The following EHMT1 variants were observed in gnomAD, a reference collection of about 807,000 sequenced individuals.
The protein encoded by EHMT1 is histone-lysine N-methyltransferase EHMT1.
A neutral mutation model predicts 147.2 loss-of-function variants in EHMT1; 15 were observed. That is an observed-to-expected ratio of 0.10 (90% CI 0.07 to 0.16). The LOEUF (loss-of-function observed/expected upper bound fraction) is 0.16, where lower values mean the gene tolerates loss of function less well. Ranked by LOEUF, EHMT1 falls within the 10% of genes least tolerant of loss-of-function variation. The pLI is 1.00. For missense variants in EHMT1, 1,587 were observed against 1,772.4 expected (o/e 0.90, Z 1.88); for synonymous variants, 795 against 709.6 (o/e 1.12, Z -1.91).
chr9:137,703,493 C>T (rs1193545626), intron 1 of EHMT1, among the ~76,000 whole-genome samples: 1 of 152,186 alleles, frequency 6.6e-6, no homozygotes, highest in Non-Finnish European at 1.5e-5. Flanking sequence ...TGCTTTGCTA[C>T]TTAGGAATTT....
At chr9:137,714,028 A>G (rs1588306962) in intron 2 of EHMT1, among the ~76,000 whole-genome samples, 2 of 152,236 alleles carry the variant, frequency 1.3e-5, no homozygotes, top group African/African-American at 2.4e-5. Context: ...CTCGTTTATT[A>G]GTTCTAATGA....
At position 137,641,912 on chromosome 9, in the gene EHMT1, C is replaced by T. The variant is rs558018021; in HGVS notation, c.21+22863C>T. Reference sequence around the variant, plus strand: ...TGACCTTGGCTCATGGCAACCTCTGCCCCCATGCCCTCCAACTCCATGGTT... The same window carrying T: ...TGACCTTGGCTCATGGCAACCTCTGTCCCCATGCCCTCCAACTCCATGGTT... On this transcript the variant is annotated intron_variant, in intron 1 of 26. Coordinates refer to ENST00000460843, the MANE Select transcript of EHMT1 (RefSeq NM_024757.5). 3.9e-5 allele frequency among the ~76,000 whole-genome samples: 6 copies of T among 152,106 alleles called. No homozygotes were observed. The South Asian group carries it at 8.3e-4, about 21-fold the overall frequency.
At chr9:137,729,013 G>A (rs1000451006) in intron 4 of EHMT1, among the ~76,000 whole-genome samples, 1 of 152,142 alleles carries the variant, frequency 6.6e-6, no homozygotes, top group African/African-American at 2.4e-5. Context: ...GTGGATGAAC[G>A]TTTGATTCCT....
chr9:137,807,513 A>ATTTG (rs1186997546), intron 18 of EHMT1, among the ~76,000 whole-genome samples: 7 of 112,824 alleles, frequency 6.2e-5, no homozygotes, highest in African/African-American at 1.9e-4. Context: ...TTATTTATTT[A>ATTTG]TTTGTTTATT....
At position 137,717,170 on chromosome 9, in the gene EHMT1, C is replaced by T. The variant is rs576449489; in HGVS notation, c.630C>T (p.Ser210=). 40 of 1,612,116 alleles carry T rather than the reference C, an allele frequency of 2.5e-5. No individual in the cohort carries two copies. The highest frequency in any genetic ancestry group is 1.2e-4 in the African/African-American group (9 of 75,038). The change falls in exon 3 of 27, where the codon TCC becomes TCT. Residue 210 remains serine, a synonymous_variant. Coordinates refer to ENST00000460843, the MANE Select transcript of EHMT1 (RefSeq NM_024757.5). ...GGGCACGCAAGACCATGCCGAAGTC[C>T]GTCGTGGGCCTGGTAATTTTGTGTC... The part of the protein sequence containing the change: ...VHRARKTMPK[S]VVGLHAASKD...
chr9:137,724,514 G>C (rs932156955), intron 3 of EHMT1, among the ~76,000 whole-genome samples: 2 of 152,250 alleles, frequency 1.3e-5, no homozygotes, highest in African/African-American at 4.8e-5. Flanking sequence ...TTACTGTTGA[G>C]ATTCTTGAAA....
chr9:137,780,045 A>G (rs1245292507), intron 14 of EHMT1, among the ~76,000 whole-genome samples: 1 of 146,636 alleles, frequency 6.8e-6, no homozygotes, highest in Non-Finnish European at 1.5e-5. Flanking sequence ...ATGTGTGGTG[A>G]TGACGCTGAG....
intron 14 of EHMT1, among the ~76,000 whole-genome samples, chr9:137,780,385 G>A (rs1321322060): frequency 7.2e-6 from 1 of 139,478 alleles, no homozygotes; most frequent in Admixed American, 7.1e-5. Flanking sequence ...GTGTGATGAC[G>A]CTGGGATGTG....
At chr9:137,723,326 G>A (rs1304295876) in intron 3 of EHMT1, among the ~76,000 whole-genome samples, 7 of 128,508 alleles carry the variant, frequency 5.4e-5, no homozygotes, top group Admixed American at 3.8e-4. Flanking sequence ...GCCTGAGCCC[G>A]GGGTGTGTCT....
At chr9:137,644,623 G>A (rs1367730871) in intron 1 of EHMT1, among the ~76,000 whole-genome samples, 1 of 152,014 alleles carries the variant, frequency 6.6e-6, no homozygotes, top group African/African-American at 2.4e-5. Context: ...ACCGGGCCCG[G>A]CCAAAAACAT....
chr9:137,646,784 C>A (rs1056203429), intron 1 of EHMT1, among the ~76,000 whole-genome samples: 4 of 152,210 alleles, frequency 2.6e-5, no homozygotes, highest in African/African-American at 9.6e-5. Context: ...TTATCTCCTA[C>A]TGTCTTTGAA....
chr9:137,677,251 A>C (rs1941447379), intron 1 of EHMT1, among the ~76,000 whole-genome samples: 1 of 151,938 alleles, frequency 6.6e-6, no homozygotes, highest in Non-Finnish European at 1.5e-5. Flanking sequence ...CTCCTGTCTC[A>C]GTCTCCCAAG....
At chr9:137,667,827 T>C (rs1939850610) in intron 1 of EHMT1, among the ~76,000 whole-genome samples, 1 of 152,230 alleles carries the variant, frequency 6.6e-6, no homozygotes, top group Non-Finnish European at 1.5e-5. Flanking sequence ...CTGGCCTTTT[T>C]GACATCTGAA....
At chr9:137,676,820 T>TG (rs1941391730) in intron 1 of EHMT1, among the ~76,000 whole-genome samples, 1 of 151,856 alleles carries the variant, frequency 6.6e-6, no homozygotes, top group South Asian at 2.1e-4. Context: ...AGTTCCTGGG[T>TG]GAGGGCCTGG....
At chr9:137,755,365 GT>G (rs1949304540) in intron 8 of EHMT1, among the ~76,000 whole-genome samples, 1 of 152,212 alleles carries the variant, frequency 6.6e-6, no homozygotes, top group Non-Finnish European at 1.5e-5. Context: ...GCTTCTCTGA[GT>G]ATAATTGTTT....
At position 137,811,490 on chromosome 9, in the gene EHMT1, G is replaced by C. The variant is rs751905570; in HGVS notation, c.2742G>C (p.Ala914=). 1 of 1,612,336 alleles carries C rather than the reference G, an allele frequency of 6.2e-7. No homozygotes were observed. The highest frequency in any genetic ancestry group is 1.7e-5 in the Admixed American group (1 of 60,032). The change falls in exon 19 of 27, where the codon GCG becomes GCC. Residue 914 remains alanine (A), a synonymous_variant. Coordinates refer to ENST00000460843, the MANE Select transcript of EHMT1 (RefSeq NM_024757.5). ...AGAACATTTGCCTGCACTGGGCGGC[G>C]TTCTCCGGCTGCGTGGACATAGCCG... is the stretch of plus-strand genomic sequence containing the variant. ...NEENICLHWA[A]FSGCVDIAEI...
intron 15 of EHMT1, chr9:137,784,372 A>G (rs1384097334): frequency 3.1e-6 from 4 of 1,270,276 alleles, no homozygotes; most frequent in East Asian, 5.9e-5. Context: ...AGCCCCGGTA[A>G]ATAAATTGCA....
In EHMT1 at chr9:137,777,016, T is replaced by A. The variant is rs562575172; in HGVS notation, c.2018+172T>A. The A allele has an allele frequency of 2.7e-4, 186 of 679,678 alleles. No individual in the cohort carries two copies. In the African/African-American group the frequency reaches 2.9e-3, roughly 11 times the overall value. The allele number at this position is 679,678 out of a possible 1,614,324, so 42.1% of individuals were successfully genotyped here. On this transcript the variant is annotated intron_variant, in intron 12 of 26. Coordinates refer to ENST00000460843, the MANE Select transcript of EHMT1 (RefSeq NM_024757.5). ...TCTGAAATTCATTTATTGCCATTTG[T>A]GCATACGTTGCTCTCTTTCGGTTTG...
chr9:137,809,981 C>T (rs1385703703), intron 18 of EHMT1, among the ~76,000 whole-genome samples: 1 of 116,232 alleles, frequency 8.6e-6, no homozygotes, highest in Non-Finnish European at 1.5e-5. Context: ...GTGATGGGTC[C>T]GGAGGCGGTT....
Sources: gnomAD v4.1 joint callset for allele counts (sites outside exome capture counted in the v4.1 genomes callset) on GRCh38, gnomAD v4.1.1 for gene constraint, MANE v1.5 for transcripts, NCBI Gene and HGNC (gene_info 2026-07-23, HGNC 2026-07-21) for gene names.